TRIM15: variants seen among roughly 807,000 people sequenced by gnomAD.
TRIM15 encodes tripartite motif containing 15.
A neutral mutation model predicts 35.8 loss-of-function variants in TRIM15; 35 were observed. The ratio of observed to expected loss-of-function variants is 0.98; its 90% CI spans 0.75 to 1.30. The LOEUF (loss-of-function observed/expected upper bound fraction) is 1.30. TRIM15 is among the 50% of genes most tolerant of loss of function. The pLI, the probability that TRIM15 is intolerant of heterozygous loss-of-function variation, is 0.00. For synonymous variants in TRIM15, 252 were observed against 249.8 expected, an observed-to-expected ratio of 1.01 and a Z score of -0.08; for missense variants, 590 against 593.5, an observed-to-expected ratio of 0.99 and a Z score of 0.06.
chr6:30,168,488 G>A lies in TRIM15; in HGVS notation c.666G>A (p.Glu222=). ...EVTRLGAQVK[E]LEEKCQQPAS... ...CCCGGCTTGGAGCCCAGGTCAAGGA[G>A]CTGGAGGAGAAGTGTCAGCAGCCAG... The change falls in exon 3 of 7, where the codon GAG becomes GAA. Residue 222 remains glutamate (E), a synonymous_variant. Coordinates refer to ENST00000376694, the MANE Select transcript of TRIM15 (RefSeq NM_033229.3). 6.2e-7 allele frequency: 1 copy of A among 1,608,990 alleles called. No homozygotes were observed. The highest frequency in any genetic ancestry group is 8.5e-7 in the Non-Finnish European group (1 of 1,177,956).
rs1187017742 is a variant in TRIM15 at position 30,167,257 on chromosome 6, C to T, written c.463C>T (p.Leu155Phe). 1.9e-6 allele frequency: 3 copies of T among 1,612,816 alleles called. No individual in the cohort carries two copies. Among genetic ancestry groups the T allele is most frequent in the Non-Finnish European group, 1.7e-6 (2 of 1,179,882 alleles). ...EDVKCQEDQK[L>F]QVLLTQIESK... Reference sequence around the variant, plus strand: ...TGTAAAGTGTCAAGAAGACCAGAAGCTTCAAGTGCTGCTGGTACAGGCCAC... The same window carrying T: ...TGTAAAGTGTCAAGAAGACCAGAAGTTTCAAGTGCTGCTGGTACAGGCCAC... The change falls in exon 2 of 7, where the codon CTT (leucine) becomes TTT (phenylalanine). Residue 155 changes from leucine (L) to phenylalanine (F), a missense_variant. Leu to Phe is a conservative substitution (Grantham distance 22). Coordinates refer to ENST00000376694, the MANE Select transcript of TRIM15 (RefSeq NM_033229.3).
chr6:30,165,560 CAT>C (rs1773538250), intron 1 of TRIM15, among the ~76,000 whole-genome samples: 1 of 152,196 alleles, frequency 6.6e-6, no homozygotes, highest in Non-Finnish European at 1.5e-5. Context: ...CTGCAATAAA[CAT>C]ATGTGTGCAT....
intron 2 of TRIM15, 122 bp downstream of exon 2, chr6:30,167,393 T>C: frequency 1.3e-6 from 1 of 769,234 alleles, no homozygotes; most frequent in Non-Finnish European, 2.1e-6. Flanking sequence ...CTCGTTCACC[T>C]TCCTGTGGCT....
Position 30,170,974 on chromosome 6 carries a change from A to G in TRIM15, c.848-2A>G. 1 of 1,611,064 alleles carries G rather than the reference A, an allele frequency of 6.2e-7. No individual in the cohort carries two copies. The highest frequency in any genetic ancestry group is 8.5e-7 in the Non-Finnish European group (1 of 1,179,254). On this transcript the variant is annotated splice_acceptor_variant, in intron 5 of 6. Transcript: ENST00000376694. LOFTEE classifies it high-confidence loss of function. ...CTCTCTTTCTATTTCTGCTTCCCTCAGAAAACTTGGCGCATCATCTGGAAA... is the reference window on the plus strand; with the variant it reads ...CTCTCTTTCTATTTCTGCTTCCCTCGGAAAACTTGGCGCATCATCTGGAAA...
intron 6 of TRIM15, among the ~76,000 whole-genome samples, chr6:30,171,428 C>T (rs1562152306): frequency 6.6e-6 from 1 of 152,182 alleles, no homozygotes; most frequent in Non-Finnish European, 1.5e-5. Flanking sequence ...TTAAAAATCA[C>T]ATTTATTTTT....
Position 30,169,746 on chromosome 6 carries a change from G to A in TRIM15, c.731+483G>A, listed in dbSNP as rs527386262. ...TACTGTAAAAGGACAGCCACCAGGA[G>A]CCAGTGGCATTGTAAATGCATGGCC... is the stretch of plus-strand genomic sequence containing the variant. On this transcript the variant is annotated intron_variant, in intron 4 of 6. Coordinates refer to ENST00000376694, the MANE Select transcript of TRIM15 (RefSeq NM_033229.3). 2.7e-3 allele frequency: 954 copies of A among 355,870 alleles called. 37 individuals are homozygous for A. The highest frequency in any genetic ancestry group is 1.6e-3 in the Admixed American group (38 of 24,416). 22.0% of individuals were successfully genotyped at this position (355,870 alleles called of 1,614,324 possible).
chr6:30,165,433 A>T (rs143195216), intron 1 of TRIM15, among the ~76,000 whole-genome samples: 4,300 of 152,308 alleles, frequency 0.028, 111 homozygotes, highest in Middle Eastern at 0.054. Flanking sequence ...GGACATGAAC[A>T]CATCTTTTTT....
Position 30,167,183 on chromosome 6 carries a change from T to G in TRIM15, c.389T>G (p.Leu130Arg), listed in dbSNP as rs201369873. Residue 130 changes from leucine to arginine, a missense_variant, in exon 2 of 7, where the codon CTC (leucine) becomes CGC (arginine). Physicochemically the swap from Leu to Arg is moderately radical, Grantham distance 102 (BLOSUM62 -2). Transcript: ENST00000376694. ...DEAIQPYRDRLRSRLEALSTE... is the reference protein window; with the variant it reads ...DEAIQPYRDRRRSRLEALSTE... The stretch of plus-strand genomic sequence containing the variant: ...CCATTCTTCTCCCCACAGGATCGTC[T>G]CAGGAGTCGACTGGAAGCTCTGAGC... The G allele has an allele frequency of 2.5e-5, 41 of 1,612,778 alleles. No homozygotes were observed. Among genetic ancestry groups the G allele is most frequent in the Non-Finnish European group, 3.3e-5 (39 of 1,179,888 alleles).
At position 30,168,515 on chromosome 6, in the gene TRIM15, A is replaced by T. The variant is rs781314576; in HGVS notation, c.693A>T (p.Ala231=). The T allele has an allele frequency of 3.1e-6, 5 of 1,597,750 alleles. No homozygotes were observed. Among genetic ancestry groups the T allele is most frequent in the Non-Finnish European group, 4.3e-6 (5 of 1,171,590 alleles). Residue 231 remains alanine (A), a synonymous_variant, in exon 3 of 7, where the codon GCA becomes GCT. Transcript: ENST00000376694. Reference sequence around the variant, plus strand: ...TGGAGGAGAAGTGTCAGCAGCCAGCAAGTGAGCTTCTACAAGTGAGAGACA... The same window carrying T: ...TGGAGGAGAAGTGTCAGCAGCCAGCTAGTGAGCTTCTACAAGTGAGAGACA... ...KELEEKCQQP[A]SELLQDVRVN... is the part of the protein sequence containing the mutation.
At chr6:30,168,159 T>C in intron 2 of TRIM15, 141 bp from the exon 3 acceptor site, 1 of 695,134 alleles carries the variant, frequency 1.4e-6, no homozygotes, top group Non-Finnish European at 2.4e-6. Context: ...ACCTAACTAC[T>C]TCTAGGCATA....
Position 30,166,205 on chromosome 6 carries a change from T to C in TRIM15, c.382-971T>C, listed in dbSNP as rs369448761. On this transcript the variant is annotated intron_variant, in intron 1 of 6. Transcript: ENST00000376694. ...TGCCTATGTCCTGAATGGTATTGCC[T>C]AGGTTTTCTTCTAGGGTTTTTATGG... Among the ~76,000 whole-genome samples the C allele has an allele frequency of 3.0e-4, 45 of 152,356 alleles. 5 individuals carry two copies. Among genetic ancestry groups the C allele is most frequent in the East Asian group, 2.5e-3 (13 of 5,192 alleles).
At position 30,168,295 on chromosome 6, in the gene TRIM15, T is replaced by TGAAGA; in HGVS notation, c.478-4_478dup. 1 of 1,611,932 alleles carries TGAAGA rather than the reference T, an allele frequency of 6.2e-7. No homozygotes were observed. Among genetic ancestry groups the TGAAGA allele is most frequent in the Non-Finnish European group, 8.5e-7 (1 of 1,179,304 alleles). The stretch of plus-strand genomic sequence containing the variant: ...CTAACCATGTCTGCCTTTTATCCCT[T>TGAAGA]GAAGACTCAGATCGAAAGCAAGAAG... On this transcript the variant is annotated splice_region_variant and splice_polypyrimidine_tract_variant and intron_variant, in intron 2 of 6. Coordinates refer to ENST00000376694, the MANE Select transcript of TRIM15 (RefSeq NM_033229.3).
intron 4 of TRIM15, chr6:30,170,272 A>AC (rs1377196223): frequency 3.9e-6 from 2 of 516,574 alleles, no homozygotes; most frequent in Non-Finnish European, 6.9e-6. Context: ...AAAGGGGCTT[A>AC]CCTCCAATTC....
Position 30,170,777 on chromosome 6 carries a change from G to A in TRIM15, c.847+161G>A, listed in dbSNP as rs145279211. 5.6e-3 allele frequency among the ~76,000 whole-genome samples: 849 copies of A among 152,206 alleles called. 2 individuals carry two copies. The highest frequency in any genetic ancestry group is 0.01 in the African/African-American group (431 of 41,516). ...AATTTATTCAGGGGCACTATTCCCA[G>A]AGCATCTCCTCCACTCCCTAAGGAC... is the stretch of plus-strand genomic sequence containing the variant. On this transcript the variant is annotated intron_variant, in intron 5 of 6. Coordinates refer to ENST00000376694, the MANE Select transcript of TRIM15 (RefSeq NM_033229.3).
chr6:30,169,934 G>A (rs1039830993), intron 4 of TRIM15: 7 of 191,316 alleles, frequency 3.7e-5, no homozygotes, highest in African/African-American at 1.7e-4. Context: ...GCTTTTCAAA[G>A]AGCATTAGAG....
intron 4 of TRIM15, chr6:30,169,972 T>C (rs547814599): frequency 9.5e-5 from 16 of 168,922 alleles, no homozygotes; most frequent in Non-Finnish European, 1.8e-4. Flanking sequence ...CTTGGAGGTC[T>C]TCCAGTCTGA....
rs773460220 is a variant in TRIM15 at position 30,170,518 on chromosome 6, T to C, written c.749T>C (p.Phe250Ser). 1.4e-5 allele frequency: 23 copies of C among 1,613,894 alleles called. No individual in the cohort carries two copies. Among genetic ancestry groups the C allele is most frequent in the Non-Finnish European group, 1.9e-5 (23 of 1,179,960 alleles). Reference protein sequence around the residue: ...VNQSRCEMKTFVSPEAISPDL... With the variant: ...VNQSRCEMKTSVSPEAISPDL... ...GTCTGCAGGTGTGAGATGAAGACTT[T>C]TGTGAGTCCTGAGGCCATTTCTCCT... The change falls in exon 5 of 7, where the codon TTT becomes TCT. Residue 250 changes from phenylalanine to serine, a missense_variant. Coordinates refer to ENST00000376694, the MANE Select transcript of TRIM15 (RefSeq NM_033229.3).
At chr6:30,169,193 G>C in intron 3 of TRIM15, 48 bp from the exon 4 acceptor site, 1 of 1,611,882 alleles carries the variant, frequency 6.2e-7, no homozygotes, top group South Asian at 1.1e-5. Flanking sequence ...ATCCCTGACA[G>C]GAAGGACTTA....
Position 30,163,676 on chromosome 6 carries a change from G to A in TRIM15, c.-9G>A, listed in dbSNP as rs778954130. 1.1e-5 allele frequency: 17 copies of A among 1,593,172 alleles called. 1 individual carries two copies. In the South Asian group the frequency reaches 1.9e-4, roughly 18 times the overall value. ...AGACCGGAGTGGACGGGCTGGGGAA[G>A]GCACCGTGATGCCCGCAACCCCGTC... is the stretch of plus-strand genomic sequence containing the variant. On this transcript the variant is annotated 5_prime_UTR_variant, in exon 1 of 7. Transcript: ENST00000376694.
Sources: gnomAD v4.1 joint callset for allele counts (sites outside exome capture counted in the v4.1 genomes callset) on GRCh38, gnomAD v4.1.1 for gene constraint, MANE v1.5 for transcripts, NCBI Gene and HGNC (gene_info 2026-07-23, HGNC 2026-07-21) for gene names.